LSAMP: variants seen among roughly 807,000 people sequenced by gnomAD.
The protein encoded by LSAMP is limbic system-associated membrane protein.
A neutral mutation model predicts 38.6 loss-of-function variants in LSAMP; 7 were observed. The ratio of observed to expected loss-of-function variants is 0.18; its 90% CI spans 0.10 to 0.34. The LOEUF (loss-of-function observed/expected upper bound fraction) is 0.34, where lower values mean the gene tolerates loss of function less well. LSAMP is among the 10% of genes least tolerant of loss of function. The probability of loss-of-function intolerance (pLI) is 1.00; values close to 1 mark genes in which losing one functional copy is unlikely to be tolerated. For synonymous variants in LSAMP, 154 were observed against 166.8 expected (o/e 0.92, Z 0.59); for missense variants, 313 against 420.0 (o/e 0.75, Z 2.23).
At position 116,297,848 on chromosome 3, in the gene LSAMP, T is replaced by A. The variant is rs56372136; in HGVS notation, c.155+147029A>T. Among the ~76,000 whole-genome samples, 1,205 of 152,262 alleles carry A rather than the reference T, an allele frequency of 7.9e-3. 20 individuals carry two copies. Among genetic ancestry groups the A allele is most frequent in the African/African-American group, 0.028 (1,169 of 41,540 alleles). On this transcript the variant is annotated intron_variant, in intron 1 of 6. Coordinates refer to ENST00000490035, the MANE Select transcript of LSAMP (RefSeq NM_002338.5). ...ATAGGATGAGTGAAAAAACACAGTA[T>A]TTTAGTTTTGCTCATGTTTTCTAAT...
chr3:116,444,809 CAA>C (rs869216852), intron 1 of LSAMP, 66 bp downstream of exon 1: 176 of 483,494 alleles, frequency 3.6e-4, no homozygotes, highest in Admixed American at 1.1e-3. Flanking sequence ...CACACACACA[CAA>C]ACACACACAC....
rs67452614 is a variant in LSAMP, at chr3:116,366,013, T to TAAAAAAAA, written c.155+78856_155+78863dup. On this transcript the variant is annotated intron_variant, in intron 1 of 6. Transcript: ENST00000490035. ...ATGTACCCTAAAACTTAGAGTATAA[T>TAAAAAAAA]AAAAAAAAAAAAAAAAAAAAAAAAA... 8.1e-3 allele frequency among the ~76,000 whole-genome samples: 231 copies of TAAAAAAAA among 28,650 alleles called. 15 individuals carry two copies. The highest frequency in any genetic ancestry group is 0.011 in the East Asian group (6 of 558). 18.8% of individuals were successfully genotyped at this position (28,650 alleles called of 152,430 possible). A position where few individuals can be genotyped will look rare whatever the true frequency, so the allele number is the denominator to read the frequency against.
intron 2 of LSAMP, among the ~76,000 whole-genome samples, chr3:116,066,480 G>A (rs1224345730): frequency 6.6e-6 from 1 of 152,106 alleles, no homozygotes; most frequent in Non-Finnish European, 1.5e-5. Context: ...ACACAAAACT[G>A]AAATATTTCT....
intron 1 of LSAMP, among the ~76,000 whole-genome samples, chr3:116,182,072 A>G (rs532025393): frequency 1.3e-5 from 2 of 152,078 alleles, no homozygotes; most frequent in East Asian, 3.9e-4. Context: ...TGCTAGCCTG[A>G]TCTGTGCAGA....
intron 6 of LSAMP, among the ~76,000 whole-genome samples, chr3:115,826,526 G>GATATC (rs1265530164): frequency 4.6e-5 from 7 of 152,122 alleles, no homozygotes; most frequent in African/African-American, 1.7e-4. Context: ...TGGACTTAAA[G>GATATC]TTTACTGTGG....
chr3:116,091,827 G>C (rs1708130945), intron 1 of LSAMP, among the ~76,000 whole-genome samples: 1 of 152,178 alleles, frequency 6.6e-6, no homozygotes, highest in Non-Finnish European at 1.5e-5. Flanking sequence ...TTAGTGCCAC[G>C]AGGAGAGGAT....
chr3:116,433,102 G>A (rs1428962267), intron 1 of LSAMP, among the ~76,000 whole-genome samples: 1 of 152,142 alleles, frequency 6.6e-6, no homozygotes, highest in Non-Finnish European at 1.5e-5. Flanking sequence ...ACACACATAT[G>A]CTAGAGTGAG....
At chr3:115,831,484 C>T (rs1253294729) in intron 6 of LSAMP, among the ~76,000 whole-genome samples, 2 of 152,138 alleles carry the variant, frequency 1.3e-5, no homozygotes, top group Non-Finnish European at 2.9e-5. Flanking sequence ...TCATTCTGAA[C>T]CTACGGTCCT....
intron 6 of LSAMP, among the ~76,000 whole-genome samples, chr3:115,834,023 G>A (rs1378070571): frequency 6.6e-6 from 1 of 151,724 alleles, no homozygotes; most frequent in Non-Finnish European, 1.5e-5. Flanking sequence ...TTCTAAGACA[G>A]GTACATTTAA....
At chr3:115,985,668 T>C (rs1939489937) in intron 3 of LSAMP, among the ~76,000 whole-genome samples, 1 of 152,192 alleles carries the variant, frequency 6.6e-6, no homozygotes, top group Admixed American at 6.6e-5. Context: ...TTCACTGTTT[T>C]GGGATAACAG....
chr3:115,890,185 G>A (rs1478344266), intron 3 of LSAMP, among the ~76,000 whole-genome samples: 3 of 151,850 alleles, frequency 2.0e-5, no homozygotes, highest in Non-Finnish European at 4.4e-5. Context: ...AGCATCCACG[G>A]CTCTATATGC....
At chr3:115,917,477 A>C (rs941824339) in intron 3 of LSAMP, among the ~76,000 whole-genome samples, 1 of 152,260 alleles carries the variant, frequency 6.6e-6, no homozygotes, top group South Asian at 2.1e-4. Context: ...CCTTCCGGAT[A>C]CTTTTAAAAC....
At chr3:115,904,326 A>G (rs1936955784) in intron 3 of LSAMP, among the ~76,000 whole-genome samples, 1 of 152,174 alleles carries the variant, frequency 6.6e-6, no homozygotes, top group African/African-American at 2.4e-5. Flanking sequence ...TAACTTAGAA[A>G]AAGGGATCCA....
At chr3:116,305,812 A>G (rs546088861) in intron 1 of LSAMP, among the ~76,000 whole-genome samples, 4 of 152,012 alleles carry the variant, frequency 2.6e-5, no homozygotes, top group Non-Finnish European at 5.9e-5. Context: ...AGAAACCTAT[A>G]TTACAATAGA....
At chr3:116,358,901 A>G (rs1221254393) in intron 1 of LSAMP, among the ~76,000 whole-genome samples, 2 of 152,222 alleles carry the variant, frequency 1.3e-5, no homozygotes, top group African/African-American at 4.8e-5. Flanking sequence ...TTTTGTAATA[A>G]TATAGAGTAC....
intron 1 of LSAMP, among the ~76,000 whole-genome samples, chr3:116,355,422 T>C (rs2048210027): frequency 6.6e-6 from 1 of 152,184 alleles, no homozygotes; most frequent in Non-Finnish European, 1.5e-5. Context: ...TCTCTCACCA[T>C]ATACAAAAAT....
intron 1 of LSAMP, among the ~76,000 whole-genome samples, chr3:116,338,330 C>A (rs1413239819): frequency 6.6e-6 from 1 of 151,964 alleles, no homozygotes; most frequent in Non-Finnish European, 1.5e-5. Context: ...TCCTTAGTGA[C>A]CTGCTCCTTA....
At chr3:116,239,612 A>ATTAACTTG (rs1239249546) in intron 1 of LSAMP, among the ~76,000 whole-genome samples, 4 of 152,170 alleles carry the variant, frequency 2.6e-5, no homozygotes, top group Admixed American at 2.6e-4. Flanking sequence ...TGGAAGATAA[A>ATTAACTTG]TTAACTTGCA....
chr3:116,301,748 A>C (rs528942674), intron 1 of LSAMP, among the ~76,000 whole-genome samples: 6 of 152,354 alleles, frequency 3.9e-5, no homozygotes, highest in Admixed American at 3.9e-4. Flanking sequence ...AGAAACTTAG[A>C]ATACAAGTAT....
Sources: gnomAD v4.1 joint callset for allele counts (sites outside exome capture counted in the v4.1 genomes callset) on GRCh38, gnomAD v4.1.1 for gene constraint, MANE v1.5 for transcripts, NCBI Gene and HGNC (gene_info 2026-07-23, HGNC 2026-07-21) for gene names.